VAV1: variants seen among roughly 807,000 people sequenced by gnomAD.
VAV1 encodes vav guanine nucleotide exchange factor 1, also known as proto-oncogene vav.
In VAV1, 33 loss-of-function variants were observed where a neutral mutation model predicts 128.1. The observed-to-expected ratio is 0.26, with a 90% CI of 0.20 to 0.34. VAV1 has a LOEUF of 0.34. Ranked by LOEUF, VAV1 falls within the 10% of genes least tolerant of loss-of-function variation. The probability of loss-of-function intolerance (pLI) is 1.00; values close to 1 mark genes in which losing one functional copy is unlikely to be tolerated. For missense variants in VAV1, 715 were observed against 1,093.7 expected, an observed-to-expected ratio of 0.65 and a Z score of 4.88; for synonymous variants, 394 against 409.8, an observed-to-expected ratio of 0.96 and a Z score of 0.47.
chr19:6,828,706 C>T lies in VAV1; in HGVS notation c.1177C>T (p.Leu393=). 6.2e-7 allele frequency: 1 copy of T among 1,614,192 alleles called. No homozygotes were observed. Among genetic ancestry groups the T allele is most frequent in the Non-Finnish European group, 8.5e-7 (1 of 1,180,024 alleles). ...CAATTTCCAGCTGTCCATTGAGAAC[C>T]TGGTGAGGCGGTGGAGCCGGGTGGG... is the stretch of plus-strand genomic sequence containing the variant. ...ITNFQLSIEN[L]DQSLAHYGRP... Residue 393 remains leucine, a splice_region_variant and synonymous_variant, in exon 12 of 27, where the codon CTG becomes TTG. Coordinates refer to ENST00000602142, the MANE Select transcript of VAV1 (RefSeq NM_005428.4). The surrounding 1 kb of genome is among the most constrained non-coding windows in gnomAD (Gnocchi z 4.5).
At position 6,857,219 on chromosome 19, in the gene VAV1, A is replaced by T; in HGVS notation, c.*112A>T. 1.4e-6 allele frequency: 2 copies of T among 1,460,940 alleles called. No homozygotes were observed. The highest frequency in any genetic ancestry group is 1.9e-6 in the Non-Finnish European group (2 of 1,074,702). The allele number at this position is 1,460,940 out of a possible 1,614,324, so 90.5% of individuals were successfully genotyped here. A position where few individuals can be genotyped will look rare whatever the true frequency, so the allele number is the denominator to read the frequency against. On this transcript the variant is annotated 3_prime_UTR_variant, in exon 27 of 27. Coordinates refer to ENST00000602142, the MANE Select transcript of VAV1 (RefSeq NM_005428.4). The stretch of plus-strand genomic sequence containing the variant: ...CCGGCGGGTGGAGACTTTGGGATGG[A>T]CTGGAGGAGGCCAGCGTCCAGCTGG...
At chr19:6,840,234 T>C (rs1972335785) in intron 21 of VAV1, among the ~76,000 whole-genome samples, 1 of 152,186 alleles carries the variant, frequency 6.6e-6, no homozygotes, top group Admixed American at 6.6e-5. Flanking sequence ...CCTTTGTGTC[T>C]AGCTTGTTTC....
At chr19:6,849,782 T>C (rs1465271107) in intron 23 of VAV1, among the ~76,000 whole-genome samples, 1 of 152,198 alleles carries the variant, frequency 6.6e-6, no homozygotes, top group East Asian at 1.9e-4. Context: ...TTTATGGCTG[T>C]ATAGTAGTCC....
At chr19:6,819,446 TGAATA>T (rs1971735231) in intron 1 of VAV1, among the ~76,000 whole-genome samples, 1 of 152,244 alleles carries the variant, frequency 6.6e-6, no homozygotes, top group Admixed American at 6.5e-5. Flanking sequence ...ACATTTCCTA[TGAATA>T]GAATTGTACA....
chr19:6,844,753 G>GGACCAGGGTGA (rs1347455759), intron 22 of VAV1, among the ~76,000 whole-genome samples: 1 of 152,068 alleles, frequency 6.6e-6, no homozygotes, highest in East Asian at 1.9e-4. Flanking sequence ...AATGGGGTGG[G>GGACCAGGGTGA]GACCAGGGTG....
In VAV1 at chr19:6,828,440, G is replaced by C; in HGVS notation, c.1045G>C (p.Glu349Gln). The change falls in exon 11 of 27, where the codon GAG (glutamate) becomes CAG (glutamine). Residue 349 changes from glutamate (E) to glutamine (Q), a missense_variant. Glu to Gln is a conservative substitution (Grantham distance 29). Coordinates refer to ENST00000602142, the MANE Select transcript of VAV1 (RefSeq NM_005428.4). The surrounding 1 kb of genome is among the most constrained non-coding windows in gnomAD (Gnocchi z 4.5). ...TCAGGAGCTGGTGAAACACACGCAG[G>C]AGGCGATGGAGAAGGAGAACCTGCG... ...LLQELVKHTQ[E>Q]AMEKENLRLA... 5 of 1,614,176 alleles carry C rather than the reference G, an allele frequency of 3.1e-6. No homozygotes were observed. Among genetic ancestry groups the C allele is most frequent in the Non-Finnish European group, 4.2e-6 (5 of 1,180,044 alleles).
At chr19:6,814,675 T>TCTTTCTTTCTTTCTTC (rs1971593341) in intron 1 of VAV1, among the ~76,000 whole-genome samples, 2 of 77,178 alleles carry the variant, frequency 2.6e-5, no homozygotes, top group African/African-American at 7.9e-5. Context: ...TTCCTTCCTT[T>TCTTTCTTTCTTTCTTC]CTTTCTTTCT....
chr19:6,791,384 TGAGGTCCTTGAGCTAGCTCCTCATCTC>T (rs1423617929), intron 1 of VAV1, among the ~76,000 whole-genome samples: 1 of 152,134 alleles, frequency 6.6e-6, no homozygotes, highest in Non-Finnish European at 1.5e-5. Context: ...TTCCTCATCT[TGAGGTCCTTGAGCTAGCTCCTCATCTC>T]GAGGTCCTTG....
intron 1 of VAV1, among the ~76,000 whole-genome samples, chr19:6,791,290 T>C (rs773419470): frequency 3.9e-5 from 6 of 152,220 alleles, no homozygotes; most frequent in Non-Finnish European, 7.3e-5. Flanking sequence ...GTCCTTGAGA[T>C]ACCTCCTCAT....
At chr19:6,793,459 G>A (rs1028358634) in intron 1 of VAV1, among the ~76,000 whole-genome samples, 5 of 152,046 alleles carry the variant, frequency 3.3e-5, no homozygotes, top group East Asian at 1.9e-4. Context: ...TTTGTTGGGG[G>A]AGCTTATGGA....
rs1971980143 is a variant in VAV1 at position 6,828,785 on chromosome 19, C to A, written c.1180-30C>A. On this transcript the variant is annotated intron_variant, in intron 12 of 26. Transcript: ENST00000602142. The surrounding 1 kb of genome is among the most constrained non-coding windows in gnomAD (Gnocchi z 4.5). ...TGTGTCTGGCTCCTTTCTTGGGAGA[C>A]CCTTGCTAGACCCCCTGCCTACTGC... 2 of 1,614,020 alleles carry A rather than the reference C, an allele frequency of 1.2e-6. No individual in the cohort carries two copies. The highest frequency in any genetic ancestry group is 4.5e-5 in the East Asian group (2 of 44,872).
At chr19:6,833,047 A>T in intron 15 of VAV1, 137 bp from the exon 16 acceptor site, 1 of 743,262 alleles carries the variant, frequency 1.3e-6, no homozygotes, top group South Asian at 2.0e-5. Flanking sequence ...CAAAGGGTGA[A>T]AACGACCCAA....
chr19:6,795,026 C>T (rs761759597), intron 1 of VAV1, among the ~76,000 whole-genome samples: 2 of 152,116 alleles, frequency 1.3e-5, no homozygotes, highest in African/African-American at 2.4e-5. Flanking sequence ...CACAACATGG[C>T]GACCGGGTTT....
intron 14 of VAV1, among the ~76,000 whole-genome samples, chr19:6,830,389 C>G (rs989873702): frequency 6.6e-6 from 1 of 152,004 alleles, no homozygotes; most frequent in African/African-American, 2.4e-5. Flanking sequence ...CCAGGGCACT[C>G]TTCTAGGCAC....
At chr19:6,850,648 C>A (rs759100574) in intron 23 of VAV1, 22 bp from the exon 24 acceptor site, 42 of 1,609,232 alleles carry the variant, frequency 2.6e-5, no homozygotes, top group Non-Finnish European at 3.5e-5. Context: ...AGACTCAGGG[C>A]CCGGTGACCA....
At chr19:6,774,683 C>T (rs1367262653) in intron 1 of VAV1, among the ~76,000 whole-genome samples, 2 of 152,066 alleles carry the variant, frequency 1.3e-5, no homozygotes, top group South Asian at 2.1e-4. Context: ...GATCCACCCA[C>T]CTCGGCCTTC....
intron 1 of VAV1, among the ~76,000 whole-genome samples, chr19:6,805,329 G>T (rs961030938): frequency 6.6e-6 from 1 of 152,056 alleles, no homozygotes; most frequent in Non-Finnish European, 1.5e-5. Flanking sequence ...GGAGGCTGAG[G>T]CAGGAGCATC....
At chr19:6,788,311 G>A (rs1970939889) in intron 1 of VAV1, among the ~76,000 whole-genome samples, 1 of 151,452 alleles carries the variant, frequency 6.6e-6, no homozygotes, top group African/African-American at 2.4e-5. Context: ...TGAAGCCAAG[G>A]TCCTAGCATT....
At chr19:6,806,373 C>G (rs1441996079) in intron 1 of VAV1, among the ~76,000 whole-genome samples, 1 of 152,120 alleles carries the variant, frequency 6.6e-6, no homozygotes, top group African/African-American at 2.4e-5. Context: ...GCGTGAGCCA[C>G]CATGCACGGC....
Sources: gnomAD v4.1 joint callset for allele counts (sites outside exome capture counted in the v4.1 genomes callset) on GRCh38, gnomAD v4.1.1 for gene constraint, Gnocchi (gnomAD v3.1) non-coding constraint, MANE v1.5 for transcripts, NCBI Gene and HGNC (gene_info 2026-07-23, HGNC 2026-07-21) for gene names.